PACSIN1: variants seen among roughly 807,000 people sequenced by gnomAD.
PACSIN1 encodes protein kinase C and casein kinase substrate in neurons protein 1.
In PACSIN1, 15 loss-of-function variants were observed where a neutral mutation model predicts 59.5. The observed-to-expected ratio is 0.25, with a 90% CI of 0.17 to 0.39. The LOEUF is 0.39. Among genes scored for constraint, PACSIN1 ranks in the 10% least tolerant of loss-of-function variants. The pLI, the probability that PACSIN1 is intolerant of heterozygous loss-of-function variation, is 1.00. For synonymous variants in PACSIN1, 210 were observed against 220.6 expected (o/e 0.95, Z 0.42); for missense variants, 420 against 580.2 (o/e 0.72, Z 2.84).
chr6:34,503,986 G>A (rs1281554956), intron 1 of PACSIN1, among the ~76,000 whole-genome samples: 1 of 152,046 alleles, frequency 6.6e-6, no homozygotes, highest in African/African-American at 2.4e-5. Flanking sequence ...GTGTTTTTGA[G>A]TGTATCTTTT....
chr6:34,483,194 C>T (rs971694522), intron 1 of PACSIN1, among the ~76,000 whole-genome samples: 1 of 151,624 alleles, frequency 6.6e-6, no homozygotes, highest in African/African-American at 2.4e-5. Context: ...TTAGTAGATA[C>T]GGAGTTTTGC....
At chr6:34,522,279 GTCAC>G (rs1313210222) in intron 1 of PACSIN1, among the ~76,000 whole-genome samples, 3 of 152,204 alleles carry the variant, frequency 2.0e-5, no homozygotes, top group African/African-American at 7.2e-5. Context: ...CACTATTTTA[GTCAC>G]TCCGTGCCTC....
rs1767580560 is a variant in PACSIN1, at chr6:34,530,765, C to T, written c.1037+178C>T. On this transcript the variant is annotated intron_variant, in intron 8 of 9. Transcript: ENST00000244458. The surrounding 1 kb of genome is among the most constrained non-coding windows in gnomAD (Gnocchi z 4.4). ...TCCCCAATCTTTTTGGGACCAGGGACCAGTTTTGTGGAAGACAATTTTTCC... is the reference window on the plus strand; with the variant it reads ...TCCCCAATCTTTTTGGGACCAGGGATCAGTTTTGTGGAAGACAATTTTTCC... Among the ~76,000 whole-genome samples, 1 of 152,046 alleles carries T rather than the reference C, an allele frequency of 6.6e-6. No individual in the cohort carries two copies. Among genetic ancestry groups the T allele is most frequent in the Admixed American group, 6.5e-5 (1 of 15,278 alleles).
chr6:34,482,609 T>C (rs1441635964), intron 1 of PACSIN1, among the ~76,000 whole-genome samples: 1 of 152,182 alleles, frequency 6.6e-6, no homozygotes, highest in Non-Finnish European at 1.5e-5. Context: ...TGTGAACATA[T>C]GTTTTCATTT....
At chr6:34,528,022 T>C (rs1421315694) in intron 3 of PACSIN1, among the ~76,000 whole-genome samples, 1 of 152,264 alleles carries the variant, frequency 6.6e-6, no homozygotes, top group African/African-American at 2.4e-5. Context: ...CAGTCGCACA[T>C]TGCCTCTATG....
rs144744128 is a variant in PACSIN1, at chr6:34,526,623, T to C, written c.63+255T>C. ...CATTTCACAATGTGGGAACAGGCCC[T>C]TTGTGACTCTGTGGCACTTCCATCA... On this transcript the variant is annotated intron_variant, in intron 2 of 9. Transcript: ENST00000244458. 4.7e-3 allele frequency among the ~76,000 whole-genome samples: 722 copies of C among 152,340 alleles called. 5 individuals are homozygous for C. The highest frequency in any genetic ancestry group is 0.017 in the Middle Eastern group (5 of 294).
Position 34,471,485 on chromosome 6 carries a change from T to A in PACSIN1, c.-64+5215T>A, listed in dbSNP as rs1425665466. ...TAGTCCCTTATTTGTGGATTTTGGC[T>A]CCTTAGTGCTGCTGAGAAATAATAA... On this transcript the variant is annotated intron_variant, in intron 1 of 9. Transcript: ENST00000244458. Among the ~76,000 whole-genome samples the A allele has an allele frequency of 2.6e-5, 4 of 152,202 alleles. No individual in the cohort carries two copies. The East Asian group carries it at 7.7e-4, about 29-fold the overall frequency.
intron 1 of PACSIN1, among the ~76,000 whole-genome samples, chr6:34,478,053 C>A (rs985542102): frequency 3.8e-5 from 5 of 132,792 alleles, no homozygotes; most frequent in African/African-American, 1.4e-4. Context: ...ATGCCCAGCC[C>A]CTTTATCCTT....
intron 1 of PACSIN1, among the ~76,000 whole-genome samples, chr6:34,469,395 GA>G (rs1766540759): frequency 6.6e-6 from 1 of 152,194 alleles, no homozygotes; most frequent in Non-Finnish European, 1.5e-5. Flanking sequence ...GGATGGACCG[GA>G]GGGGAGGTCT....
chr6:34,531,938 G>C lies in PACSIN1; in HGVS notation c.1225+151G>C. ...GTGCCTGAGAGAGAAGCTTGGGTCT[G>C]GATTGGGTGTGTGGTGGGGCAGGGG... On this transcript the variant is annotated intron_variant, in intron 9 of 9. Transcript: ENST00000244458. This position sits in a 1 kb window ranked among gnomAD's most constrained non-coding sequence, Gnocchi z 4.4. 1 of 729,826 alleles carries C rather than the reference G, an allele frequency of 1.4e-6. No homozygotes were observed. Among genetic ancestry groups the C allele is most frequent in the Admixed American group, 3.1e-5 (1 of 31,986 alleles). The allele number at this position is 729,826 out of a possible 1,614,324, so 45.2% of individuals were successfully genotyped here. A position where few individuals can be genotyped will look rare whatever the true frequency, so the allele number is the denominator to read the frequency against.
chr6:34,492,195 CTTT>C (rs55745060), intron 1 of PACSIN1, among the ~76,000 whole-genome samples: 1,576 of 80,166 alleles, frequency 0.02, 7 homozygotes, highest in South Asian at 0.044. Context: ...CTTTTTTGAC[CTTT>C]TTTTTTTTTT....
At position 34,529,333 on chromosome 6, in the gene PACSIN1, G is replaced by T. The variant is rs912084922; in HGVS notation, c.457-64G>T. 40 of 1,579,936 alleles carry T rather than the reference G, an allele frequency of 2.5e-5. No individual in the cohort carries two copies. The highest frequency in any genetic ancestry group is 3.1e-5 in the Non-Finnish European group (36 of 1,152,948). The stretch of plus-strand genomic sequence containing the variant: ...GGGAGTGGGCAGGGGAGGAGTTAAT[G>T]GGTGACCATGTTTGCTGCTGGTCAC... On this transcript the variant is annotated intron_variant, in intron 4 of 9. Transcript: ENST00000244458. This position sits in a 1 kb window ranked among gnomAD's most constrained non-coding sequence, Gnocchi z 6.3.
intron 1 of PACSIN1, among the ~76,000 whole-genome samples, chr6:34,517,475 G>A (rs1767312953): frequency 1.3e-5 from 2 of 152,006 alleles, no homozygotes; most frequent in Admixed American, 1.3e-4. Context: ...GACCTACAAG[G>A]CCCTCCCCAG....
At chr6:34,513,915 C>T (rs982848560) in intron 1 of PACSIN1, among the ~76,000 whole-genome samples, 1 of 152,162 alleles carries the variant, frequency 6.6e-6, no homozygotes, top group Non-Finnish European at 1.5e-5. Context: ...ATCCCTGAAC[C>T]CTGCTCATGA....
At chr6:34,498,913 G>C (rs1328646011) in intron 1 of PACSIN1, among the ~76,000 whole-genome samples, 1 of 152,052 alleles carries the variant, frequency 6.6e-6, no homozygotes, top group Non-Finnish European at 1.5e-5. Context: ...TTGGCACCGG[G>C]GACTGGTTTC....
At chr6:34,494,068 T>G (rs1339708577) in intron 1 of PACSIN1, among the ~76,000 whole-genome samples, 4 of 152,216 alleles carry the variant, frequency 2.6e-5, no homozygotes, top group African/African-American at 9.6e-5. Context: ...TTGGGCAAAG[T>G]CACACAGAAA....
chr6:34,530,564 A>G lies in PACSIN1; in HGVS notation c.1014A>G (p.Thr338=). 1 of 1,592,614 alleles carries G rather than the reference A, an allele frequency of 6.3e-7. No individual in the cohort carries two copies. The highest frequency in any genetic ancestry group is 1.1e-5 in the South Asian group (1 of 88,906). The change falls in exon 8 of 10, where the codon ACA becomes ACG. Residue 338 remains threonine (T), a synonymous_variant. Coordinates refer to ENST00000244458, the MANE Select transcript of PACSIN1 (RefSeq NM_020804.5). This position sits in a 1 kb window ranked among gnomAD's most constrained non-coding sequence, Gnocchi z 4.4. Reference sequence around the variant, plus strand: ...ATGCCACTGGGGCGGTAGAGTCCACATCCCAGGCTGGGGACCGCGGCAGGT... The same window carrying G: ...ATGCCACTGGGGCGGTAGAGTCCACGTCCCAGGCTGGGGACCGCGGCAGGT... The part of the protein sequence containing the change: ...LTNATGAVES[T]SQAGDRGSVS...
At chr6:34,498,255 T>G (rs1219731524) in intron 1 of PACSIN1, among the ~76,000 whole-genome samples, 3 of 151,714 alleles carry the variant, frequency 2.0e-5, no homozygotes, top group Non-Finnish European at 4.4e-5. Context: ...AGAAACGGAG[T>G]TTCACCATAT....
At chr6:34,509,356 A>T (rs1747488582) in intron 1 of PACSIN1, among the ~76,000 whole-genome samples, 1 of 152,086 alleles carries the variant, frequency 6.6e-6, no homozygotes, top group South Asian at 2.1e-4. Flanking sequence ...TATTTCTGGG[A>T]TCTTCATTCT....
Sources: gnomAD v4.1 joint callset for allele counts (sites outside exome capture counted in the v4.1 genomes callset) on GRCh38, gnomAD v4.1.1 for gene constraint, Gnocchi (gnomAD v3.1) non-coding constraint, MANE v1.5 for transcripts, NCBI Gene and HGNC (gene_info 2026-07-23, HGNC 2026-07-21) for gene names.